SPMIP4: variants seen among roughly 807,000 people sequenced by gnomAD.
The protein encoded by SPMIP4 is sperm microtubule inner protein 4.
chr7:25,169,516 A>G, the SPMIP4 span, among the ~76,000 whole-genome samples: 2 of 152,182 alleles, frequency 1.3e-5, no homozygotes, highest in African/African-American at 2.4e-5. Flanking sequence ...CTTGGCATAA[A>G]GTTTTCAAGG....
chr7:25,141,402 T>C, the SPMIP4 span, among the ~76,000 whole-genome samples: 1 of 151,840 alleles, frequency 6.6e-6, no homozygotes, highest in Non-Finnish European at 1.5e-5. Context: ...TGAAACCCCG[T>C]CTCTACTACA....
chr7:25,161,981 A>T, the SPMIP4 span, among the ~76,000 whole-genome samples: 9 of 152,168 alleles, frequency 5.9e-5, no homozygotes, highest in Non-Finnish European at 4.4e-5. Context: ...CATCAAATTT[A>T]ATTATAAGGC....
At chr7:25,163,262 T>C in the SPMIP4 span, among the ~76,000 whole-genome samples, 1 of 152,256 alleles carries the variant, frequency 6.6e-6, no homozygotes, top group South Asian at 2.1e-4. This position sits in a 1 kb window ranked among gnomAD's most constrained non-coding sequence, Gnocchi z 4.4. Flanking sequence ...ATTTCCTGTA[T>C]GTGTGGAATC....
the SPMIP4 span, chr7:25,136,272 T>C: frequency 2.6e-5 from 42 of 1,614,186 alleles, no homozygotes; most frequent in South Asian, 4.2e-4. The surrounding 1 kb of genome is among the most constrained non-coding windows in gnomAD (Gnocchi z 5.7). Context: ...CTTGTTTATT[T>C]TGTAAAACAC....
At chr7:25,140,612 T>G in the SPMIP4 span, among the ~76,000 whole-genome samples, 1 of 150,724 alleles carries the variant, frequency 6.6e-6, no homozygotes, top group Non-Finnish European at 1.5e-5. Context: ...CTCAGCTCAG[T>G]TTTTTTGTTT....
At chr7:25,166,895 C>CAA in the SPMIP4 span, among the ~76,000 whole-genome samples, 72 of 147,102 alleles carry the variant, frequency 4.9e-4, no homozygotes, top group African/African-American at 1.5e-3. Context: ...AACTCCACCT[C>CAA]AAAAAAAAAA....
At chr7:25,150,177 C>A in the SPMIP4 span, among the ~76,000 whole-genome samples, 4 of 152,224 alleles carry the variant, frequency 2.6e-5, no homozygotes, top group South Asian at 8.3e-4. Context: ...CAGAGGGGAG[C>A]TATTCAGGAT....
the SPMIP4 span, among the ~76,000 whole-genome samples, chr7:25,167,567 C>T: frequency 5.9e-5 from 9 of 152,192 alleles, no homozygotes; most frequent in Non-Finnish European, 1.3e-4. Flanking sequence ...ATAAGGTCAT[C>T]GGCGGCACAT....
At chr7:25,168,464 A>AAATTCACTCT in the SPMIP4 span, 1 of 1,575,122 alleles carries the variant, frequency 6.3e-7, no homozygotes, top group South Asian at 1.2e-5. Flanking sequence ...AATTCCTGAT[A>AAATTCACTCT]CCTGTGAAAA....
At chr7:25,142,667 G>C in the SPMIP4 span, 1 of 1,613,160 alleles carries the variant, frequency 6.2e-7, no homozygotes, top group Non-Finnish European at 8.5e-7. Context: ...TACGAAGTGA[G>C]CCAGTGGGAC....
the SPMIP4 span, chr7:25,179,042 A>AAAACAAACAAACAAACAAAC: frequency 4.0e-5 from 35 of 881,674 alleles, no homozygotes; most frequent in African/African-American, 5.1e-4. Flanking sequence ...CACCGTCTCA[A>AAAACAAACAAACAAACAAAC]AAACAAACAA....
At chr7:25,171,458 A>T in the SPMIP4 span, among the ~76,000 whole-genome samples, 2 of 152,206 alleles carry the variant, frequency 1.3e-5, no homozygotes, top group South Asian at 2.1e-4. Flanking sequence ...AACACCTGCA[A>T]ATGCATCTGG....
the SPMIP4 span, chr7:25,136,191 G>A: frequency 6.2e-7 from 1 of 1,614,100 alleles, no homozygotes; most frequent in Non-Finnish European, 8.5e-7. This position sits in a 1 kb window ranked among gnomAD's most constrained non-coding sequence, Gnocchi z 5.7. Context: ...TTTCTTCATT[G>A]TTTTCCATAT....
the SPMIP4 span, among the ~76,000 whole-genome samples, chr7:25,126,413 G>C: frequency 6.6e-6 from 1 of 151,934 alleles, no homozygotes; most frequent in African/African-American, 2.4e-5. Flanking sequence ...CTGACCTCAG[G>C]TGATTCACCC....
At chr7:25,149,295 T>TC in the SPMIP4 span, among the ~76,000 whole-genome samples, 91,273 of 151,832 alleles carry the variant, frequency 0.6, 28,542 homozygotes, top group Non-Finnish European at 0.69. Context: ...GTAGATTACC[T>TC]CCCCAATTAA....
chr7:25,135,446 C>A, the SPMIP4 span: 2 of 985,516 alleles, frequency 2.0e-6, no homozygotes, highest in African/African-American at 1.7e-5. Flanking sequence ...ACTTTTAAGA[C>A]AATATAGTTT....
chr7:25,142,069 GCAGA>G, the SPMIP4 span, among the ~76,000 whole-genome samples: 1 of 152,172 alleles, frequency 6.6e-6, no homozygotes, highest in Non-Finnish European at 1.5e-5. Flanking sequence ...TTCCCAAACA[GCAGA>G]CAAAGTATTC....
chr7:25,179,240 G>T, the SPMIP4 span: 1 of 1,613,640 alleles, frequency 6.2e-7, no homozygotes, highest in Non-Finnish European at 8.5e-7. Context: ...TAGAGTAAAA[G>T]GTGTTGGACA....
the SPMIP4 span, among the ~76,000 whole-genome samples, chr7:25,176,879 A>G: frequency 7.2e-5 from 11 of 152,218 alleles, no homozygotes; most frequent in Non-Finnish European, 1.0e-4. This position sits in a 1 kb window ranked among gnomAD's most constrained non-coding sequence, Gnocchi z 4.4. Flanking sequence ...GATCTGTGGA[A>G]GTCTGATCGA....
Sources: allele counts gnomAD v4.1 joint callset (sites outside exome capture counted in the v4.1 genomes callset), GRCh38; gene constraint gnomAD v4.1.1; non-coding constraint Gnocchi (gnomAD v3.1); transcripts MANE v1.5; gene names NCBI Gene and HGNC (gene_info 2026-07-23, HGNC 2026-07-21).